NXPH1: variants seen among roughly 807,000 people sequenced by gnomAD.
NXPH1 encodes neurexophilin 1.
Under a neutral mutation model 23.7 loss-of-function variants are expected in NXPH1, and 5 were observed. That is an observed-to-expected ratio of 0.21 (90% CI 0.11 to 0.44). The LOEUF is 0.44. Among genes scored for constraint, NXPH1 ranks in the 20% least tolerant of loss-of-function variants. The pLI, the probability that NXPH1 is intolerant of heterozygous loss-of-function variation, is 0.99. For missense variants in NXPH1, 324 were observed against 321.6 expected (o/e 1.01, Z -0.06); for synonymous variants, 144 against 122.2 (o/e 1.18, Z -1.18).
intron 2 of NXPH1, among the ~76,000 whole-genome samples, chr7:8,661,978 T>C (rs2115162468): frequency 6.6e-6 from 1 of 152,076 alleles, no homozygotes; most frequent in African/African-American, 2.4e-5. Flanking sequence ...CAAAATGTAA[T>C]AAGTAAATTA....
In NXPH1 at chr7:8,498,165, A is replaced by AGTTATT. The variant is rs1817370281; in HGVS notation, c.54+62398_54+62399insGTTATT. ...TACACACGCAAGTTATTATTATTAC[A>AGTTATT]AGTACCTTATTTAGATGGACATCAG... On this transcript the variant is annotated intron_variant, in intron 2 of 2. Transcript: ENST00000405863. Among the ~76,000 whole-genome samples, 3 of 151,976 alleles carry AGTTATT rather than the reference A, an allele frequency of 2.0e-5. No individual in the cohort carries two copies. In the South Asian group the frequency reaches 6.2e-4, roughly 31 times the overall value.
intron 2 of NXPH1, among the ~76,000 whole-genome samples, chr7:8,668,963 C>G (rs1020895771): frequency 6.6e-6 from 1 of 151,786 alleles, no homozygotes; most frequent in Non-Finnish European, 1.5e-5. Flanking sequence ...TGGCATGAAG[C>G]CTGGGTCCTC....
chr7:8,657,692 T>A (rs780254730), intron 2 of NXPH1, among the ~76,000 whole-genome samples: 5 of 152,100 alleles, frequency 3.3e-5, no homozygotes, highest in Admixed American at 2.6e-4. Context: ...CTTCAAAAAT[T>A]AAAAGTTTCT....
At chr7:8,594,027 A>C (rs1301888461) in intron 2 of NXPH1, among the ~76,000 whole-genome samples, 4 of 151,880 alleles carry the variant, frequency 2.6e-5, no homozygotes, top group African/African-American at 9.7e-5. Flanking sequence ...GATAGCAACA[A>C]ATTTTGAAGA....
chr7:8,453,052 G>T (rs1816533926), intron 2 of NXPH1, among the ~76,000 whole-genome samples: 1 of 151,996 alleles, frequency 6.6e-6, no homozygotes, highest in Non-Finnish European at 1.5e-5. Context: ...TAACATACCA[G>T]AATTTCACTC....
At chr7:8,663,062 C>G (rs1379768088) in intron 2 of NXPH1, among the ~76,000 whole-genome samples, 1 of 152,008 alleles carries the variant, frequency 6.6e-6, no homozygotes, top group East Asian at 1.9e-4. Flanking sequence ...GAGATGAATG[C>G]TTGCCTACAG....
intron 2 of NXPH1, among the ~76,000 whole-genome samples, chr7:8,541,769 T>C (rs917044332): frequency 1.3e-5 from 2 of 151,660 alleles, no homozygotes; most frequent in Admixed American, 1.3e-4. Flanking sequence ...GTTTTTATAC[T>C]ATATATAAAG....
intron 2 of NXPH1, among the ~76,000 whole-genome samples, chr7:8,700,732 C>T (rs7782816): frequency 0.058 from 8,835 of 152,084 alleles, 496 homozygotes; most frequent in East Asian, 0.18. Flanking sequence ...TAGCTGTACA[C>T]CTGCCTTCTG....
intron 2 of NXPH1, among the ~76,000 whole-genome samples, chr7:8,654,517 G>A (rs926295476): frequency 1.3e-5 from 2 of 152,196 alleles, no homozygotes; most frequent in Admixed American, 6.5e-5. Flanking sequence ...ATTCAGGTGC[G>A]AAGGGAAGAC....
At chr7:8,540,958 C>T (rs772214187) in intron 2 of NXPH1, among the ~76,000 whole-genome samples, 6 of 151,700 alleles carry the variant, frequency 4.0e-5, no homozygotes, top group Non-Finnish European at 7.4e-5. Flanking sequence ...TCTTCCAGAA[C>T]AAAGCTTAAG....
At chr7:8,557,885 A>G (rs1489390943) in intron 2 of NXPH1, among the ~76,000 whole-genome samples, 1 of 151,710 alleles carries the variant, frequency 6.6e-6, no homozygotes, top group Non-Finnish European at 1.5e-5. Context: ...CAGAAAATCA[A>G]TCCAGGCAAT....
chr7:8,497,384 G>A, intron 2 of NXPH1, among the ~76,000 whole-genome samples: 1 of 152,124 alleles, frequency 6.6e-6, no homozygotes. Context: ...CCCAGTAATG[G>A]GATGGCTGGG....
intron 2 of NXPH1, among the ~76,000 whole-genome samples, chr7:8,727,024 C>T (rs951657463): frequency 5.5e-5 from 8 of 146,318 alleles, no homozygotes; most frequent in Non-Finnish European, 1.0e-4. Context: ...TAATGATTGT[C>T]ATTCTAACTG....
Position 8,751,821 on chromosome 7 carries a change from AG to A in NXPH1, c.*55del. 1 of 1,508,026 alleles carries A rather than the reference AG, an allele frequency of 6.6e-7. No individual in the cohort carries two copies. The highest frequency in any genetic ancestry group is 8.9e-7 in the Non-Finnish European group (1 of 1,125,066). 93.4% of individuals were successfully genotyped at this position (1,508,026 alleles called of 1,614,324 possible). ...CCTGAGGAATTAAAGGTCATATGAC[AG>A]GGCTGTTACCTCAAAGAAGAAGGTC... On this transcript the variant is annotated 3_prime_UTR_variant, in exon 3 of 3. Transcript: ENST00000405863. This position sits in a 1 kb window ranked among gnomAD's most constrained non-coding sequence, Gnocchi z 4.5.
At chr7:8,479,713 T>C (rs1182716756) in intron 2 of NXPH1, among the ~76,000 whole-genome samples, 1 of 152,090 alleles carries the variant, frequency 6.6e-6, no homozygotes, top group Non-Finnish European at 1.5e-5. Flanking sequence ...ATCATATAGC[T>C]AGGAAGCTAT....
chr7:8,454,063 A>C (rs569538046), intron 2 of NXPH1, among the ~76,000 whole-genome samples: 1 of 148,370 alleles, frequency 6.7e-6, no homozygotes, highest in South Asian at 2.2e-4. Context: ...CATATCCAGG[A>C]GAACAACACA....
At chr7:8,725,988 C>A (rs536995734) in intron 2 of NXPH1, among the ~76,000 whole-genome samples, 1 of 152,158 alleles carries the variant, frequency 6.6e-6, no homozygotes, top group Non-Finnish European at 1.5e-5. Flanking sequence ...ATTTATATAA[C>A]GCTTCCTTCT....
intron 2 of NXPH1, among the ~76,000 whole-genome samples, chr7:8,710,692 G>A (rs1472068380): frequency 1.2e-5 from 1 of 85,108 alleles, no homozygotes; most frequent in Non-Finnish European, 1.8e-5. Flanking sequence ...GTCTCGCTCT[G>A]TCGCCCAGGC....
rs891121026 is a variant in NXPH1, at chr7:8,442,762, A to G, written c.54+6995A>G. Reference sequence around the variant, plus strand: ...GACCTCGAGCGATCTCGACAGGTTTATGGAAACACAGATGCAGCCCTCTCG... The same window carrying G: ...GACCTCGAGCGATCTCGACAGGTTTGTGGAAACACAGATGCAGCCCTCTCG... On this transcript the variant is annotated intron_variant, in intron 2 of 2. Coordinates refer to ENST00000405863, the MANE Select transcript of NXPH1 (RefSeq NM_152745.3). The surrounding 1 kb of genome is among the most constrained non-coding windows in gnomAD (Gnocchi z 4.6). 2.0e-5 allele frequency among the ~76,000 whole-genome samples: 3 copies of G among 152,192 alleles called. No homozygotes were observed. Among genetic ancestry groups the G allele is most frequent in the Non-Finnish European group, 4.4e-5 (3 of 68,016 alleles).
Sources: gnomAD v4.1 joint callset for allele counts (sites outside exome capture counted in the v4.1 genomes callset) on GRCh38, gnomAD v4.1.1 for gene constraint, Gnocchi (gnomAD v3.1) non-coding constraint, MANE v1.5 for transcripts, NCBI Gene and HGNC (gene_info 2026-07-23, HGNC 2026-07-21) for gene names.